SYT16: variants seen among roughly 807,000 people sequenced by gnomAD.
The protein encoded by SYT16 is synaptotagmin 16.
Under a neutral mutation model 61.4 loss-of-function variants are expected in SYT16, and 42 were observed. The observed-to-expected ratio is 0.68, with a 90% confidence interval of 0.53 to 0.89. SYT16 has a LOEUF of 0.89. SYT16 is among the 40% of genes least tolerant of loss of function. SYT16 has a pLI of 0.00. For synonymous variants in SYT16, 314 were observed against 302.3 expected (o/e 1.04, Z -0.40); for missense variants, 804 against 807.3 (o/e 1.00, Z 0.05).
chr14:61,930,000 G>T (rs2049700602), intron 1 of SYT16, among the ~76,000 whole-genome samples: 2 of 152,090 alleles, frequency 1.3e-5, no homozygotes. Flanking sequence ...TTTCCCTATG[G>T]CTTTAATTGA....
intron 1 of SYT16, among the ~76,000 whole-genome samples, chr14:61,966,751 G>A (rs1403184069): frequency 6.6e-6 from 1 of 152,132 alleles, no homozygotes; most frequent in African/African-American, 2.4e-5. Context: ...GCTTATACAT[G>A]AATCCTCTTT....
chr14:62,079,341 C>T, intron 5 of SYT16: 1 of 1,191,756 alleles, frequency 8.4e-7, no homozygotes, highest in South Asian at 1.5e-5. Context: ...TTCTTGCAGG[C>T]TAATTTGAAT....
intron 7 of SYT16, among the ~76,000 whole-genome samples, chr14:62,090,292 T>C (rs796520265): frequency 2.2e-4 from 33 of 152,338 alleles, no homozygotes; most frequent in African/African-American, 7.2e-4. Context: ...ATGTGCATGA[T>C]TAGCCACACA....
intron 1 of SYT16, among the ~76,000 whole-genome samples, chr14:61,817,872 G>T (rs2045491133): frequency 6.6e-6 from 1 of 152,218 alleles, no homozygotes; most frequent in African/African-American, 2.4e-5. Context: ...ATGTATGTGT[G>T]CATTTATATG....
chr14:61,901,574 TTAACTTAA>T (rs2048516548), intron 1 of SYT16, among the ~76,000 whole-genome samples: 1 of 152,104 alleles, frequency 6.6e-6, no homozygotes, highest in Admixed American at 6.6e-5. Context: ...GTCCTACTTC[TTAACTTAA>T]TAATTCTGGG....
chr14:62,035,967 G>A (rs1271230353), intron 3 of SYT16, among the ~76,000 whole-genome samples: 5 of 152,156 alleles, frequency 3.3e-5, no homozygotes, highest in East Asian at 1.9e-4. Flanking sequence ...CTGACACTGT[G>A]CAAGCTATGT....
At chr14:61,855,123 C>G (rs2046735000) in intron 1 of SYT16, among the ~76,000 whole-genome samples, 1 of 152,160 alleles carries the variant, frequency 6.6e-6, no homozygotes, top group African/African-American at 2.4e-5. Context: ...CATTCATTAA[C>G]TACAAATCAA....
intron 1 of SYT16, among the ~76,000 whole-genome samples, chr14:61,930,020 G>A (rs1001703132): frequency 6.6e-6 from 1 of 152,114 alleles, no homozygotes; most frequent in Non-Finnish European, 1.5e-5. Flanking sequence ...AGCAAGGAAG[G>A]GGCCAGCTTG....
chr14:61,874,376 T>G (rs2047421703), intron 1 of SYT16, among the ~76,000 whole-genome samples: 1 of 152,200 alleles, frequency 6.6e-6, no homozygotes. Flanking sequence ...GGCCGACTTT[T>G]TGTATGAGTG....
At chr14:62,062,845 A>G (rs878856931) in intron 3 of SYT16, among the ~76,000 whole-genome samples, 1 of 152,020 alleles carries the variant, frequency 6.6e-6, no homozygotes. Flanking sequence ...ACCTGTCTCT[A>G]CTTCCCGTCT....
At position 61,885,902 on chromosome 14, in the gene SYT16, C is replaced by T. The variant is rs571553292; in HGVS notation, c.-325+73092C>T. On this transcript the variant is annotated intron_variant, in intron 1 of 7. Coordinates refer to ENST00000683842, the MANE Select transcript of SYT16 (RefSeq NM_001367656.1). ...ATCTTTTTGCTTGAGGGTTTTGCTT[C>T]GATGTTGATGGCTGCTGAATGATCA... Among the ~76,000 whole-genome samples, 44 of 151,436 alleles carry T rather than the reference C, an allele frequency of 2.9e-4. 4 individuals are homozygous for T. The highest frequency in any genetic ancestry group is 2.7e-3 in the Admixed American group (41 of 15,228).
At chr14:61,907,295 C>T (rs1033398080) in intron 1 of SYT16, among the ~76,000 whole-genome samples, 3 of 152,212 alleles carry the variant, frequency 2.0e-5, no homozygotes, top group African/African-American at 7.2e-5. Context: ...TGTATATTAA[C>T]TAGAGATGAC....
intron 2 of SYT16, among the ~76,000 whole-genome samples, chr14:61,981,227 C>A (rs2140563148): frequency 6.6e-6 from 1 of 152,302 alleles, no homozygotes; most frequent in South Asian, 2.1e-4. Context: ...ATAGAGTACA[C>A]TGATTTAATT....
chr14:62,034,752 G>A (rs1343224287), intron 3 of SYT16, among the ~76,000 whole-genome samples: 1 of 152,100 alleles, frequency 6.6e-6, no homozygotes, highest in Non-Finnish European at 1.5e-5. Context: ...GTAGATATGA[G>A]GTTTCCTTTT....
intron 6 of SYT16, among the ~76,000 whole-genome samples, chr14:62,082,369 C>G (rs2056740141): frequency 6.6e-6 from 1 of 152,208 alleles, no homozygotes; most frequent in South Asian, 2.1e-4. Flanking sequence ...ATTCCCCCTG[C>G]AGTCTTCTCC....
At chr14:62,049,749 A>T (rs1462323361) in intron 3 of SYT16, among the ~76,000 whole-genome samples, 1 of 152,198 alleles carries the variant, frequency 6.6e-6, no homozygotes, top group African/African-American at 2.4e-5. Context: ...TTAGTTTGGC[A>T]GAATATGAAA....
chr14:62,009,556 A>ATGT (rs2053361708), intron 3 of SYT16, among the ~76,000 whole-genome samples: 1 of 152,144 alleles, frequency 6.6e-6, no homozygotes, highest in Non-Finnish European at 1.5e-5. Flanking sequence ...TCTGCTTTGG[A>ATGT]TGTTGGGTTT....
chr14:62,023,953 A>G (rs1404857726), intron 3 of SYT16, among the ~76,000 whole-genome samples: 1 of 152,146 alleles, frequency 6.6e-6, no homozygotes, highest in Non-Finnish European at 1.5e-5. Flanking sequence ...TCAATTTCCC[A>G]TAAAAACCTT....
chr14:61,889,806 T>C (rs1211381461), intron 1 of SYT16, among the ~76,000 whole-genome samples: 1 of 152,042 alleles, frequency 6.6e-6, no homozygotes, highest in African/African-American at 2.4e-5. Context: ...CTCTCTTTTC[T>C]TTATAAATTA....
Sources: gnomAD v4.1 joint callset for allele counts (sites outside exome capture counted in the v4.1 genomes callset) on GRCh38, gnomAD v4.1.1 for gene constraint, MANE v1.5 for transcripts, NCBI Gene and HGNC (gene_info 2026-07-23, HGNC 2026-07-21) for gene names.